Variants in PTPRD observed in about 807,000 individuals in gnomAD.
The protein encoded by PTPRD is receptor-type tyrosine-protein phosphatase delta.
PTPRD carries 34 observed loss-of-function variants against 214.5 expected under a neutral mutation model. That is an observed-to-expected ratio of 0.16 (90% CI 0.12 to 0.21). The LOEUF (loss-of-function observed/expected upper bound fraction) is 0.21, where lower values mean the gene tolerates loss of function less well. Among genes scored for constraint, PTPRD ranks in the 10% least tolerant of loss-of-function variants. The pLI, the probability that PTPRD is intolerant of heterozygous loss-of-function variation, is 1.00. For synonymous variants in PTPRD, 1,128 were observed against 845.7 expected, an observed-to-expected ratio of 1.33 and a Z score of -5.79; for missense variants, 2,545 against 2,398.7, an observed-to-expected ratio of 1.06 and a Z score of -1.27.
At chr9:8,747,274 T>G (rs1010694023) in intron 11 of PTPRD, among the ~76,000 whole-genome samples, 6 of 152,178 alleles carry the variant, frequency 3.9e-5, no homozygotes, top group Non-Finnish European at 7.4e-5. Flanking sequence ...ACTCAGGCAC[T>G]AGAATTAGGA....
intron 6 of PTPRD, among the ~76,000 whole-genome samples, chr9:9,766,113 C>G (rs943210763): frequency 6.6e-6 from 1 of 152,196 alleles, no homozygotes; most frequent in Non-Finnish European, 1.5e-5. Context: ...AGTTCCCTTA[C>G]TCAGTACTCA....
At chr9:9,396,042 C>T (rs548569380) in intron 9 of PTPRD, among the ~76,000 whole-genome samples, 1 of 152,140 alleles carries the variant, frequency 6.6e-6, no homozygotes, top group South Asian at 2.1e-4. Context: ...CAATCCTTTA[C>T]AGTTTACCCT....
intron 43 of PTPRD, among the ~76,000 whole-genome samples, chr9:8,338,361 G>C (rs1205643923): frequency 6.6e-6 from 1 of 152,076 alleles, no homozygotes; most frequent in African/African-American, 2.4e-5. Context: ...GCCAACAAGG[G>C]TCATGGGAGC....
intron 9 of PTPRD, among the ~76,000 whole-genome samples, chr9:9,369,324 C>A (rs1005233050): frequency 2.0e-5 from 3 of 152,238 alleles, no homozygotes; most frequent in African/African-American, 7.2e-5. Flanking sequence ...GATGGTATCT[C>A]ATTGCGGTTT....
At chr9:8,431,325 A>C (rs2095038760) in intron 35 of PTPRD, among the ~76,000 whole-genome samples, 1 of 152,224 alleles carries the variant, frequency 6.6e-6, no homozygotes, top group Non-Finnish European at 1.5e-5. Context: ...GGGGAAGAAT[A>C]AAGCCACCAC....
At chr9:9,847,556 C>T (rs1341174375) in intron 5 of PTPRD, among the ~76,000 whole-genome samples, 2 of 152,054 alleles carry the variant, frequency 1.3e-5, no homozygotes, top group Non-Finnish European at 2.9e-5. Flanking sequence ...TTCACCAATG[C>T]CCCCTAGGTT....
chr9:8,449,890 A>T, intron 33 of PTPRD, 53 bp from the exon 34 acceptor site: 1 of 1,569,708 alleles, frequency 6.4e-7, no homozygotes. Context: ...ATTGAAACAG[A>T]TAGAAAAGCA....
chr9:9,518,960 T>G (rs2096900536), intron 8 of PTPRD, among the ~76,000 whole-genome samples: 1 of 152,052 alleles, frequency 6.6e-6, no homozygotes, highest in Non-Finnish European at 1.5e-5. Flanking sequence ...GCATTGTTCT[T>G]TCTGTATGTG....
chr9:10,097,913 A>T (rs1259431277), intron 3 of PTPRD, among the ~76,000 whole-genome samples: 1 of 151,802 alleles, frequency 6.6e-6, no homozygotes, highest in South Asian at 2.1e-4. Context: ...AACTAGTTCA[A>T]CCATTGTGGA....
chr9:9,461,150 T>C (rs987538189), intron 8 of PTPRD, among the ~76,000 whole-genome samples: 4 of 151,650 alleles, frequency 2.6e-5, no homozygotes, highest in Non-Finnish European at 4.4e-5. Context: ...ACAGAAGTAA[T>C]AGACACTGGG....
intron 7 of PTPRD, among the ~76,000 whole-genome samples, chr9:9,734,105 T>A (rs537027075): frequency 6.6e-6 from 1 of 152,308 alleles, no homozygotes; most frequent in East Asian, 1.9e-4. Context: ...ACTCTCAGCA[T>A]TGTACTACTG....
intron 33 of PTPRD, among the ~76,000 whole-genome samples, chr9:8,458,216 G>C (rs2096271789): frequency 6.6e-6 from 1 of 152,076 alleles, no homozygotes; most frequent in Non-Finnish European, 1.5e-5. Flanking sequence ...ACTTCTTTTT[G>C]TGGGATTAGG....
At chr9:9,494,517 T>C (rs2096078656) in intron 8 of PTPRD, among the ~76,000 whole-genome samples, 1 of 152,126 alleles carries the variant, frequency 6.6e-6, no homozygotes, top group South Asian at 2.1e-4. Flanking sequence ...ACCGGCAAAA[T>C]GATTAAGATT....
intron 7 of PTPRD, among the ~76,000 whole-genome samples, chr9:9,582,253 G>C (rs2090992938): frequency 6.6e-6 from 1 of 152,116 alleles, no homozygotes; most frequent in African/African-American, 2.4e-5. Context: ...GACACATGTA[G>C]ACGTTGGGTA....
intron 39 of PTPRD, among the ~76,000 whole-genome samples, chr9:8,344,707 T>A (rs1029109869): frequency 1.3e-5 from 2 of 152,010 alleles, no homozygotes; most frequent in African/African-American, 4.8e-5. Flanking sequence ...AAATAAGTGT[T>A]TTCGCTTGAA....
intron 10 of PTPRD, among the ~76,000 whole-genome samples, chr9:9,138,861 C>A (rs978975612): frequency 6.6e-6 from 1 of 151,840 alleles, no homozygotes; most frequent in African/African-American, 2.4e-5. Flanking sequence ...ATAATGCTAC[C>A]ATTCTAGGCT....
chr9:8,767,191 C>A (rs532638816), intron 11 of PTPRD, among the ~76,000 whole-genome samples: 8 of 152,134 alleles, frequency 5.3e-5, no homozygotes, highest in Admixed American at 5.2e-4. Context: ...GATCTTGGCT[C>A]ACCGCAACCT....
chr9:9,949,967 A>G (rs1466122563), intron 4 of PTPRD, among the ~76,000 whole-genome samples: 2 of 152,180 alleles, frequency 1.3e-5, no homozygotes, highest in African/African-American at 4.8e-5. Flanking sequence ...TCAGTGTGAA[A>G]TTGATTTTTG....
At chr9:9,642,423 A>T (rs920397425) in intron 7 of PTPRD, among the ~76,000 whole-genome samples, 3 of 152,198 alleles carry the variant, frequency 2.0e-5, no homozygotes, top group Non-Finnish European at 2.9e-5. Context: ...AATAAAAAAA[A>T]TAAGTTAATC....
Sources: allele counts gnomAD v4.1 joint callset (sites outside exome capture counted in the v4.1 genomes callset), GRCh38; gene constraint gnomAD v4.1.1; transcripts MANE v1.5; gene names NCBI Gene and HGNC (gene_info 2026-07-23, HGNC 2026-07-21).